Variants in RALGPS2 observed in about 807,000 individuals in gnomAD.
RALGPS2 encodes the protein Ral GEF with PH domain and SH3 binding motif 2, also known as ras-specific guanine nucleotide-releasing factor RalGPS2.
A neutral mutation model predicts 86.8 loss-of-function variants in RALGPS2; 43 were observed. The ratio of observed to expected loss-of-function variants is 0.50; its 90% CI spans 0.39 to 0.64. RALGPS2 has a LOEUF of 0.64. Ranked by LOEUF, RALGPS2 falls within the 30% of genes least tolerant of loss-of-function variation. The pLI is 0.00. For missense variants in RALGPS2, 536 were observed against 694.6 expected, an observed-to-expected ratio of 0.77 and a Z score of 2.57; for synonymous variants, 243 against 231.3, an observed-to-expected ratio of 1.05 and a Z score of -0.46.
intron 1 of RALGPS2, among the ~76,000 whole-genome samples, chr1:178,738,296 C>T (rs564603468): frequency 2.7e-5 from 4 of 150,696 alleles, no homozygotes; most frequent in South Asian, 2.1e-4. Context: ...GCAACATCCA[C>T]CTCCCAGGTT....
intron 1 of RALGPS2, among the ~76,000 whole-genome samples, chr1:178,726,538 C>A (rs1650017775): frequency 6.7e-6 from 1 of 148,714 alleles, no homozygotes; most frequent in African/African-American, 2.5e-5. Context: ...TACTAAATTT[C>A]TGTTAAAAAA....
intron 13 of RALGPS2, 149 bp from the exon 14 acceptor site, chr1:178,889,492 AT>A: frequency 1.7e-6 from 1 of 596,520 alleles, no homozygotes; most frequent in Non-Finnish European, 3.0e-6. Context: ...CAGCAGTAAT[AT>A]TAGAATAAAG....
chr1:178,779,493 C>T (rs1490145833), intron 2 of RALGPS2, among the ~76,000 whole-genome samples: 1 of 152,154 alleles, frequency 6.6e-6, no homozygotes, highest in Non-Finnish European at 1.5e-5. Flanking sequence ...TAGTCTAAGT[C>T]TATGGTTTCA....
chr1:178,776,731 T>A lies in RALGPS2; in HGVS notation c.-34T>A. 6 of 1,566,772 alleles carry A rather than the reference T, an allele frequency of 3.8e-6. No individual in the cohort carries two copies. The South Asian group carries it at 6.9e-5, about 18-fold the overall frequency. On this transcript the variant is annotated 5_prime_UTR_variant, in exon 2 of 20. Transcript: ENST00000367635. ...CATGAGGCAGTCAGTCCTCTGTTGC[T>A]GTTAACATAAGGTCAGGGACTGATG...
chr1:178,784,044 T>C (rs984038751), intron 2 of RALGPS2, among the ~76,000 whole-genome samples: 3 of 152,178 alleles, frequency 2.0e-5, no homozygotes, highest in Non-Finnish European at 4.4e-5. Context: ...TTTTTCTTAA[T>C]AAAAATTAGT....
intron 1 of RALGPS2, chr1:178,725,834 G>C (rs998899653): frequency 6.6e-6 from 1 of 152,324 alleles, no homozygotes; most frequent in Non-Finnish European, 1.5e-5. Context: ...CCCGGACCTC[G>C]GAGCCAGGAC....
At chr1:178,851,753 T>C (rs2102292486) in intron 8 of RALGPS2, among the ~76,000 whole-genome samples, 1 of 152,232 alleles carries the variant, frequency 6.6e-6, no homozygotes, top group South Asian at 2.1e-4. Context: ...AAATAAGACA[T>C]ATGTTATGGT....
chr1:178,861,478 T>C (rs182864529), intron 8 of RALGPS2, among the ~76,000 whole-genome samples: 1 of 152,080 alleles, frequency 6.6e-6, no homozygotes, highest in Admixed American at 6.5e-5. Context: ...ATGCTAAGTG[T>C]ATAATAAAAC....
intron 7 of RALGPS2, among the ~76,000 whole-genome samples, chr1:178,830,541 G>T (rs12143603): frequency 0.04 from 6,120 of 152,258 alleles, 146 homozygotes; most frequent in Non-Finnish European, 0.057. Flanking sequence ...GGGAAAAAAT[G>T]AAATCAGGCC....
Position 178,901,970 on chromosome 1 carries a change from G to C in RALGPS2, c.1525-136G>C, listed in dbSNP as rs544533455. 14 of 629,420 alleles carry C rather than the reference G, an allele frequency of 2.2e-5. 1 individual carries two copies. In the Admixed American group the frequency reaches 3.8e-4, roughly 17 times the overall value. 39.0% of individuals were successfully genotyped at this position (629,420 alleles called of 1,614,324 possible). The stretch of plus-strand genomic sequence containing the variant: ...GAAATTCAGCAGTAAAAGGCCCCAG[G>C]CTGGCTGAGACCAGCATGAAGTCAC... On this transcript the variant is annotated intron_variant, in intron 17 of 19. Transcript: ENST00000367635.
At chr1:178,847,734 G>A (rs1045874441) in intron 8 of RALGPS2, among the ~76,000 whole-genome samples, 1 of 152,126 alleles carries the variant, frequency 6.6e-6, no homozygotes, top group African/African-American at 2.4e-5. Flanking sequence ...ATTACCAGCA[G>A]GAGTCCTAAG....
chr1:178,850,046 G>A (rs1382684695), intron 8 of RALGPS2: 2 of 152,676 alleles, frequency 1.3e-5, no homozygotes, highest in African/African-American at 4.8e-5. Flanking sequence ...GTGAGACTAA[G>A]CGTTACATAC....
intron 8 of RALGPS2, among the ~76,000 whole-genome samples, chr1:178,875,192 G>A (rs1658946080): frequency 6.6e-6 from 1 of 152,158 alleles, no homozygotes; most frequent in Non-Finnish European, 1.5e-5. Context: ...TTGTAAAATA[G>A]CTCAGAAGGA....
At chr1:178,905,019 AT>A (rs1358020470) in intron 18 of RALGPS2, among the ~76,000 whole-genome samples, 3 of 151,732 alleles carry the variant, frequency 2.0e-5, no homozygotes, top group Non-Finnish European at 4.4e-5. Flanking sequence ...GTCATCAGTG[AT>A]TTTTTTCAGC....
chr1:178,899,743 G>A (rs1366807038), intron 17 of RALGPS2, among the ~76,000 whole-genome samples: 1 of 151,284 alleles, frequency 6.6e-6, no homozygotes, highest in Non-Finnish European at 1.5e-5. Context: ...AGCTGGCCTA[G>A]ATTCTTAAAA....
At chr1:178,736,363 T>C (rs919087826) in intron 1 of RALGPS2, among the ~76,000 whole-genome samples, 1 of 151,986 alleles carries the variant, frequency 6.6e-6, no homozygotes, top group African/African-American at 2.4e-5. Context: ...AGCTTCACCA[T>C]GTTGGCCAGG....
chr1:178,892,508 T>A (rs1249142426), intron 15 of RALGPS2, among the ~76,000 whole-genome samples: 1 of 152,140 alleles, frequency 6.6e-6, no homozygotes, highest in African/African-American at 2.4e-5. Flanking sequence ...CAGAGCTAAT[T>A]GCTAAAACTT....
At chr1:178,751,427 G>A (rs1284962772) in intron 1 of RALGPS2, among the ~76,000 whole-genome samples, 2 of 152,152 alleles carry the variant, frequency 1.3e-5, no homozygotes, top group Admixed American at 6.5e-5. Context: ...TCAGAGTGGG[G>A]AGGAATATGG....
At chr1:178,816,515 A>G (rs1204031290) in intron 6 of RALGPS2, among the ~76,000 whole-genome samples, 4 of 151,862 alleles carry the variant, frequency 2.6e-5, no homozygotes, top group East Asian at 1.9e-4. Context: ...TTCCTAGTCT[A>G]TGCCTTGCGT....
Sources: allele counts gnomAD v4.1 joint callset (sites outside exome capture counted in the v4.1 genomes callset), GRCh38; gene constraint gnomAD v4.1.1; transcripts MANE v1.5; gene names NCBI Gene and HGNC (gene_info 2026-07-23, HGNC 2026-07-21).